The following CAMKMT variants were observed in gnomAD, a reference collection of about 807,000 sequenced individuals.
CAMKMT encodes the protein calmodulin-lysine N-methyltransferase.
A neutral mutation model predicts 48.0 loss-of-function variants in CAMKMT; 53 were observed. The ratio of observed to expected loss-of-function variants is 1.10; its 90% CI spans 0.89 to 1.39. The LOEUF is 1.39. CAMKMT is among the 40% of genes most tolerant of loss of function. The probability of loss-of-function intolerance (pLI) is 0.00; values close to 1 mark genes in which losing one functional copy is unlikely to be tolerated. For synonymous variants in CAMKMT, 165 were observed against 152.3 expected (o/e 1.08, Z -0.61); for missense variants, 428 against 402.7 (o/e 1.06, Z -0.54).
chr2:44,538,535 T>C (rs1666907975), intron 3 of CAMKMT, among the ~76,000 whole-genome samples: 1 of 152,090 alleles, frequency 6.6e-6, no homozygotes, highest in African/African-American at 2.4e-5. Flanking sequence ...GAAAACCAAA[T>C]ATGGTTTATT....
intron 7 of CAMKMT, among the ~76,000 whole-genome samples, chr2:44,718,091 C>T (rs1412725425): frequency 6.6e-6 from 1 of 152,176 alleles, no homozygotes; most frequent in East Asian, 1.9e-4. Context: ...CATGTGAACA[C>T]ATTACTAGGG....
rs139835290 is a variant in CAMKMT, at chr2:44,452,843, C to G, written c.376+62538C>G. Among the ~76,000 whole-genome samples the G allele has an allele frequency of 7.8e-3, 1,192 of 152,064 alleles. 23 individuals are homozygous for G. Among genetic ancestry groups the G allele is most frequent in the African/African-American group, 0.027 (1,131 of 41,522 alleles). On this transcript the variant is annotated intron_variant, in intron 3 of 10. Coordinates refer to ENST00000378494, the MANE Select transcript of CAMKMT (RefSeq NM_024766.5). ...CATCTGTGATCAGTTTAGTTACCAT[C>G]CCTTTGATATCCTGCAGCCATTATT...
chr2:44,728,151 C>G (rs1226515345), intron 7 of CAMKMT, among the ~76,000 whole-genome samples: 2 of 152,140 alleles, frequency 1.3e-5, no homozygotes, highest in African/African-American at 4.8e-5. Context: ...GTCTTGAACT[C>G]ATGGACTCAA....
intron 3 of CAMKMT, among the ~76,000 whole-genome samples, chr2:44,402,826 A>G (rs1682516739): frequency 6.9e-6 from 1 of 144,230 alleles, no homozygotes; most frequent in Admixed American, 7.0e-5. Flanking sequence ...TTTAATGTCC[A>G]AAAGTTCTTT....
chr2:44,669,599 A>C (rs942466978), intron 3 of CAMKMT, among the ~76,000 whole-genome samples: 13 of 151,974 alleles, frequency 8.6e-5, no homozygotes, highest in Non-Finnish European at 1.8e-4. Context: ...AAATTTTGCT[A>C]GTCTGTTCGT....
chr2:44,593,504 T>C lies in CAMKMT; in HGVS notation c.377-110779T>C, dbSNP rs78648936. On this transcript the variant is annotated intron_variant, in intron 3 of 10. Coordinates refer to ENST00000378494, the MANE Select transcript of CAMKMT (RefSeq NM_024766.5). ...CTCTGGTACTCTGCAGGGCTCCATT[T>C]GGGTTCCCTGTCCCAATGCCACAGC... is the stretch of plus-strand genomic sequence containing the variant. 1.6e-4 allele frequency among the ~76,000 whole-genome samples: 25 copies of C among 152,314 alleles called. No individual in the cohort carries two copies. In the East Asian group the frequency reaches 4.4e-3, roughly 27 times the overall value.
At chr2:44,681,540 C>CT (rs3055007) in intron 3 of CAMKMT, among the ~76,000 whole-genome samples, 2,198 of 137,452 alleles carry the variant, frequency 0.016, 49 homozygotes, top group African/African-American at 0.046. Flanking sequence ...CTCTTACCAG[C>CT]TTTTTTTTTT....
intron 3 of CAMKMT, among the ~76,000 whole-genome samples, chr2:44,659,528 T>C (rs1403469163): frequency 2.2e-5 from 3 of 135,208 alleles, no homozygotes; most frequent in African/African-American, 8.4e-5. Context: ...TCAGGAGTTC[T>C]AGACCAGCCT....
Position 44,362,156 on chromosome 2 carries a change from AC to A in CAMKMT, c.138+13del, listed in dbSNP as rs1386708930. The A allele has an allele frequency of 6.8e-7, 1 of 1,462,246 alleles. No individual in the cohort carries two copies. The highest frequency in any genetic ancestry group is 1.7e-4 in the Middle Eastern group (1 of 5,752). The allele number at this position is 1,462,246 out of a possible 1,614,324, so 90.6% of individuals were successfully genotyped here. A position where few individuals can be genotyped will look rare whatever the true frequency, so the allele number is the denominator to read the frequency against. On this transcript the variant is annotated intron_variant, in intron 1 of 10. Coordinates refer to ENST00000378494, the MANE Select transcript of CAMKMT (RefSeq NM_024766.5). ...AAGCTCCTGCGGCAGGTAAGGGAGA[AC>A]CTGCTCGCCTCACCTTTGCCTCTGG...
intron 3 of CAMKMT, among the ~76,000 whole-genome samples, chr2:44,457,881 A>G (rs999705763): frequency 4.6e-5 from 7 of 152,204 alleles, no homozygotes; most frequent in Admixed American, 1.3e-4. Context: ...CTGCTTGGTG[A>G]TGGATAAGCC....
At chr2:44,645,735 C>T (rs141091395) in intron 3 of CAMKMT, among the ~76,000 whole-genome samples, 1 of 152,068 alleles carries the variant, frequency 6.6e-6, no homozygotes, top group African/African-American at 2.4e-5. Flanking sequence ...GCAGGAGAAT[C>T]GCTTAAACCT....
intron 3 of CAMKMT, among the ~76,000 whole-genome samples, chr2:44,686,532 G>C (rs867641646): frequency 6.6e-6 from 1 of 152,204 alleles, no homozygotes; most frequent in African/African-American, 2.4e-5. Flanking sequence ...GCGAATGCTA[G>C]GAACTCTCTA....
At chr2:44,600,038 T>G (rs568880495) in intron 3 of CAMKMT, among the ~76,000 whole-genome samples, 3 of 152,218 alleles carry the variant, frequency 2.0e-5, no homozygotes, top group Admixed American at 2.0e-4. Context: ...TAACCTATCT[T>G]TACTTCATAA....
At chr2:44,701,331 T>G (rs1191242049) in intron 3 of CAMKMT, among the ~76,000 whole-genome samples, 2 of 152,130 alleles carry the variant, frequency 1.3e-5, no homozygotes, top group Non-Finnish European at 2.9e-5. Flanking sequence ...GCCATCCTAG[T>G]GGGTGTGAAG....
intron 3 of CAMKMT, among the ~76,000 whole-genome samples, chr2:44,690,206 G>A (rs1036350084): frequency 6.6e-6 from 1 of 152,158 alleles, no homozygotes; most frequent in African/African-American, 2.4e-5. Context: ...AATGTCACAG[G>A]CTAGAGCCCA....
At chr2:44,651,393 A>G (rs888931560) in intron 3 of CAMKMT, among the ~76,000 whole-genome samples, 13 of 152,198 alleles carry the variant, frequency 8.5e-5, no homozygotes, top group Non-Finnish European at 2.9e-5. Context: ...TTAAAGTTGC[A>G]TGTTTTTTAG....
chr2:44,431,420 C>T (rs1340301509), intron 3 of CAMKMT, among the ~76,000 whole-genome samples: 1 of 152,098 alleles, frequency 6.6e-6, no homozygotes, highest in African/African-American at 2.4e-5. Flanking sequence ...AAAATGGCCT[C>T]CAGAAGCTGC....
chr2:44,407,175 T>C (rs939851315), intron 3 of CAMKMT, among the ~76,000 whole-genome samples: 1 of 152,216 alleles, frequency 6.6e-6, no homozygotes, highest in South Asian at 2.1e-4. Flanking sequence ...TATCATTATC[T>C]TGTGCTTAGT....
intron 3 of CAMKMT, among the ~76,000 whole-genome samples, chr2:44,500,984 A>G (rs917694706): frequency 4.6e-5 from 7 of 151,752 alleles, no homozygotes; most frequent in Admixed American, 2.6e-4. Flanking sequence ...GCCCAGCCTC[A>G]GATTAGTTGA....
Sources: allele counts gnomAD v4.1 joint callset (sites outside exome capture counted in the v4.1 genomes callset), GRCh38; gene constraint gnomAD v4.1.1; transcripts MANE v1.5; gene names NCBI Gene and HGNC (gene_info 2026-07-23, HGNC 2026-07-21).